The following SRGAP3 variants were observed in gnomAD, a reference collection of about 807,000 sequenced individuals.
The protein encoded by SRGAP3 is SLIT-ROBO Rho GTPase-activating protein 3.
SRGAP3 carries 39 observed loss-of-function variants against 121.1 expected under a neutral mutation model. The observed-to-expected ratio is 0.32, with a 90% CI of 0.25 to 0.42. The LOEUF is 0.42. SRGAP3 is among the 10% of genes least tolerant of loss of function. SRGAP3 has a pLI of 1.00. For synonymous variants in SRGAP3, 601 were observed against 570.0 expected, an observed-to-expected ratio of 1.05 and a Z score of -0.77; for missense variants, 1,213 against 1,470.6, an observed-to-expected ratio of 0.82 and a Z score of 2.86.
At chr3:9,082,637 G>A (rs558120380) in intron 3 of SRGAP3, among the ~76,000 whole-genome samples, 3 of 152,322 alleles carry the variant, frequency 2.0e-5, no homozygotes, top group East Asian at 3.9e-4. Context: ...AATGGGAGCC[G>A]TGATCTTGGC....
Position 9,297,751 on chromosome 3 carries a change from C to A in SRGAP3, n.442+28259G>T, listed in dbSNP as rs527462466. ...TCTCTACTAAAAATGCAAAAATTAG[C>A]TGGGCATTGTGGCGTGTGCCTGTAG... On this transcript the variant is annotated intron_variant and non_coding_transcript_variant, in intron 3 of 3. Transcript: ENST00000490889. Among the ~76,000 whole-genome samples, 25 of 152,180 alleles carry A rather than the reference C, an allele frequency of 1.6e-4. No individual in the cohort carries two copies. The South Asian group carries it at 5.2e-3, about 32-fold the overall frequency.
At chr3:9,116,944 C>T (rs953868415) in intron 2 of SRGAP3, among the ~76,000 whole-genome samples, 1 of 152,208 alleles carries the variant, frequency 6.6e-6, no homozygotes, top group African/African-American at 2.4e-5. Context: ...ATCAGACATC[C>T]AGTACAGCAC....
At chr3:9,254,274 A>G (rs533685609), upstream of SRGAP3, among the ~76,000 whole-genome samples, 1 of 152,360 alleles carries the variant, frequency 6.6e-6, no homozygotes, top group African/African-American at 2.4e-5. Context: ...ATAAAGAGAA[A>G]TGAAGTACCA....
intron 18 of SRGAP3, among the ~76,000 whole-genome samples, chr3:9,002,681 A>G (rs1429067283): frequency 6.6e-6 from 1 of 152,168 alleles, no homozygotes; most frequent in Admixed American, 6.5e-5. Flanking sequence ...AATGAAATTG[A>G]CAAGCCATTA....
At chr3:9,228,877 A>AC (rs1953091769) in intron 1 of SRGAP3, among the ~76,000 whole-genome samples, 1 of 151,666 alleles carries the variant, frequency 6.6e-6, no homozygotes, top group Admixed American at 6.6e-5. Flanking sequence ...CCTGGCTAAC[A>AC]TGGTGAAACC....
chr3:9,073,669 G>A (rs554820314), intron 4 of SRGAP3, among the ~76,000 whole-genome samples: 90 of 152,264 alleles, frequency 5.9e-4, no homozygotes, highest in Admixed American at 5.6e-3. Context: ...GAAATGGATC[G>A]GTACATGTAA....
intron 3 of SRGAP3, among the ~76,000 whole-genome samples, chr3:9,097,072 C>A (rs1322891337): frequency 1.3e-5 from 2 of 149,568 alleles, no homozygotes; most frequent in Non-Finnish European, 3.0e-5. Flanking sequence ...CGCACTGCAG[C>A]CCCAAAATCC....
In SRGAP3 at chr3:9,357,209, C is replaced by T. The variant is rs1399572313; in HGVS notation, n.214+5631G>A. On this transcript the variant is annotated intron_variant and non_coding_transcript_variant, in intron 1 of 3. Coordinates refer to the SRGAP3 transcript ENST00000490889. ...GCAGTGAGCTGAGATCGCACCACTGCACTCCAGCCTGGGCAACAGAGTGAG... is the reference window on the plus strand; with the variant it reads ...GCAGTGAGCTGAGATCGCACCACTGTACTCCAGCCTGGGCAACAGAGTGAG... Among the ~76,000 whole-genome samples the T allele has an allele frequency of 4.6e-5, 7 of 151,974 alleles. No homozygotes were observed. The South Asian group carries it at 1.0e-3, about 23-fold the overall frequency.
chr3:9,266,883 C>G (rs1318676689), intron 3 of SRGAP3, among the ~76,000 whole-genome samples: 1 of 152,140 alleles, frequency 6.6e-6, no homozygotes, highest in East Asian at 1.9e-4. Flanking sequence ...GTGGCTTGGC[C>G]TATAAATCCA....
In SRGAP3 at chr3:9,058,528, G is replaced by A. The variant is rs916407396; in HGVS notation, c.802-56C>T. On this transcript the variant is annotated intron_variant, in intron 6 of 21. Coordinates refer to ENST00000383836, the MANE Select transcript of SRGAP3 (RefSeq NM_014850.4). ...GGTGACAGCCAGGATGTGGAGGGGCGGTCACTGGCCACCACAGTGACTTAC... is the reference window on the plus strand; with the variant it reads ...GGTGACAGCCAGGATGTGGAGGGGCAGTCACTGGCCACCACAGTGACTTAC... The A allele has an allele frequency of 2.4e-5, 37 of 1,540,934 alleles. 1 individual carries two copies. The highest frequency in any genetic ancestry group is 1.3e-4 in the South Asian group (12 of 89,450).
chr3:9,301,599 C>CT (rs1434080310), intron 3 of SRGAP3, among the ~76,000 whole-genome samples: 3 of 152,208 alleles, frequency 2.0e-5, no homozygotes, highest in Non-Finnish European at 4.4e-5. Flanking sequence ...GTGAGCACGG[C>CT]TGATGCCTGT....
Position 8,983,413 on chromosome 3 carries a change from G to C in SRGAP3, c.*2106C>G, listed in dbSNP as rs1208149744. Reference sequence around the variant, plus strand: ...CTCTCCTGATGCTCCCTTCCACTGTGGGGTGTCAAGTCCAGTCCTTCAGAC... The same window carrying C: ...CTCTCCTGATGCTCCCTTCCACTGTCGGGTGTCAAGTCCAGTCCTTCAGAC... On this transcript the variant is annotated 3_prime_UTR_variant, in exon 22 of 22. Coordinates refer to ENST00000383836, the MANE Select transcript of SRGAP3 (RefSeq NM_014850.4). The C allele has an allele frequency of 8.7e-6, 2 of 229,540 alleles. No individual in the cohort carries two copies. The highest frequency in any genetic ancestry group is 8.6e-6 in the Non-Finnish European group (1 of 115,910). The allele number at this position is 229,540 out of a possible 1,614,324, so 14.2% of individuals were successfully genotyped here.
intron 1 of SRGAP3, among the ~76,000 whole-genome samples, chr3:9,180,877 C>T (rs948107710): frequency 2.6e-5 from 4 of 152,130 alleles, no homozygotes; most frequent in Non-Finnish European, 4.4e-5. Context: ...GTACACCATC[C>T]GCCGGCTTCA....
At position 9,109,662 on chromosome 3, in the gene SRGAP3, C is replaced by T. The variant is rs1339902882; in HGVS notation, c.261-4820G>A. ...AAGGAACAGAAAGTGATGAGGCAGC[C>T]TCATCAGTGCAGTCATGGGAAGGAG... On this transcript the variant is annotated intron_variant, in intron 2 of 21. Coordinates refer to ENST00000383836, the MANE Select transcript of SRGAP3 (RefSeq NM_014850.4). The surrounding 1 kb of genome is among the most constrained non-coding windows in gnomAD (Gnocchi z 4.4). 6.6e-6 allele frequency among the ~76,000 whole-genome samples: 1 copy of T among 152,124 alleles called. No individual in the cohort carries two copies. Among genetic ancestry groups the T allele is most frequent in the Non-Finnish European group, 1.5e-5 (1 of 68,032 alleles).
intron 7 of SRGAP3, among the ~76,000 whole-genome samples, chr3:9,056,993 T>C (rs904674498): frequency 2.0e-5 from 3 of 152,234 alleles, no homozygotes; most frequent in Non-Finnish European, 4.4e-5. Context: ...GCAATTTTCC[T>C]GCCTCAGTCT....
intron 2 of SRGAP3, among the ~76,000 whole-genome samples, chr3:9,329,065 G>A (rs953758838): frequency 6.6e-6 from 1 of 152,172 alleles, no homozygotes; most frequent in Non-Finnish European, 1.5e-5. Context: ...GGGCCATCCT[G>A]AGCACGAGTT....
chr3:9,286,885 A>G (rs1164794617), intron 3 of SRGAP3, among the ~76,000 whole-genome samples: 3 of 146,744 alleles, frequency 2.0e-5, no homozygotes, highest in African/African-American at 5.1e-5. Flanking sequence ...TACAGGCGTG[A>G]GCCACCGCCC....
upstream of SRGAP3, among the ~76,000 whole-genome samples, chr3:9,253,376 G>T (rs779104531): frequency 8.6e-5 from 13 of 151,922 alleles, no homozygotes; most frequent in Non-Finnish European, 1.5e-4. Context: ...AAAGAATTTG[G>T]GGTTAAAAAT....
At chr3:9,288,130 G>GTTTTTTTTTTT (rs57076828) in intron 3 of SRGAP3, among the ~76,000 whole-genome samples, 1 of 119,082 alleles carries the variant, frequency 8.4e-6, no homozygotes, top group Non-Finnish European at 1.7e-5. Flanking sequence ...TTCTATCTTT[G>GTTTTTTTTTTT]TTTTTTTTTT....
Sources: allele counts gnomAD v4.1 joint callset (sites outside exome capture counted in the v4.1 genomes callset), GRCh38; gene constraint gnomAD v4.1.1; non-coding constraint Gnocchi (gnomAD v3.1); transcripts MANE v1.5; gene names NCBI Gene and HGNC (gene_info 2026-07-23, HGNC 2026-07-21).